The following OTUD7A variants were observed in gnomAD, a reference collection of about 807,000 sequenced individuals.
The protein encoded by OTUD7A is OTU deubiquitinase 7A.
A neutral mutation model predicts 65.7 loss-of-function variants in OTUD7A; 12 were observed. The observed-to-expected ratio is 0.18, with a 90% CI of 0.12 to 0.30. The LOEUF is 0.30. Among genes scored for constraint, OTUD7A ranks in the 10% least tolerant of loss-of-function variants. The probability of loss-of-function intolerance (pLI) is 1.00; values close to 1 mark genes in which losing one functional copy is unlikely to be tolerated. For synonymous variants in OTUD7A, 641 were observed against 586.3 expected (o/e 1.09, Z -1.35); for missense variants, 1,148 against 1,304.8 (o/e 0.88, Z 1.85).
At chr15:31,703,779 A>G (rs2648244) in intron 1 of OTUD7A, among the ~76,000 whole-genome samples, 127,772 of 145,160 alleles carry the variant, frequency 0.88, 58,074 homozygotes, top group East Asian at 1. Context: ...GTTCATAGCA[A>G]CTTTCTTCAT....
rs73374535 is a variant in OTUD7A at position 31,584,529 on chromosome 15, G to A, written c.152-14332C>T. Among the ~76,000 whole-genome samples, 1,034 of 152,330 alleles carry A rather than the reference G, an allele frequency of 6.8e-3. 11 individuals are homozygous for A. The highest frequency in any genetic ancestry group is 0.023 in the African/African-American group (959 of 41,580). ...CTAATGACCTTGCCTGAGCAGACAAGTTACAGGGGGATGCCTACGTCACCT... is the reference window on the plus strand; with the variant it reads ...CTAATGACCTTGCCTGAGCAGACAAATTACAGGGGGATGCCTACGTCACCT... On this transcript the variant is annotated intron_variant, in intron 3 of 12. Coordinates refer to ENST00000307050, the MANE Select transcript of OTUD7A (RefSeq NM_001382637.1).
At chr15:31,569,287 C>T (rs1312677701) in intron 4 of OTUD7A, among the ~76,000 whole-genome samples, 3 of 152,136 alleles carry the variant, frequency 2.0e-5, no homozygotes, top group African/African-American at 2.4e-5. Flanking sequence ...ATAATAACAA[C>T]GACAAAAACC....
intron 8 of OTUD7A, among the ~76,000 whole-genome samples, chr15:31,507,470 G>C (rs982576200): frequency 6.6e-6 from 1 of 152,122 alleles, no homozygotes; most frequent in Non-Finnish European, 1.5e-5. Flanking sequence ...TCCTTCCAGT[G>C]GCTTTGTGGT....
chr15:31,616,242 A>T (rs1466893501), intron 3 of OTUD7A, among the ~76,000 whole-genome samples: 3 of 152,132 alleles, frequency 2.0e-5, no homozygotes, highest in African/African-American at 2.4e-5. Flanking sequence ...TGTCTATGTA[A>T]GTAATAAACC....
intron 1 of OTUD7A, among the ~76,000 whole-genome samples, chr15:31,738,243 G>A (rs1894246226): frequency 6.6e-6 from 1 of 151,988 alleles, no homozygotes; most frequent in Admixed American, 6.6e-5. Context: ...ATGGCAGGGG[G>A]CCTGGAGCTA....
chr15:31,761,280 T>G (rs544328732), intron 1 of OTUD7A, among the ~76,000 whole-genome samples: 1 of 152,140 alleles, frequency 6.6e-6, no homozygotes, highest in African/African-American at 2.4e-5. Context: ...ATTTGCACAA[T>G]GTACATCTGA....
At chr15:31,814,735 G>A (rs1486572158) in intron 1 of OTUD7A, among the ~76,000 whole-genome samples, 1 of 152,066 alleles carries the variant, frequency 6.6e-6, no homozygotes, top group Non-Finnish European at 1.5e-5. Flanking sequence ...TGTTGGCCAG[G>A]CTGGTCTTGA....
At chr15:31,765,914 A>T in intron 1 of OTUD7A, 2 of 1,272,832 alleles carry the variant, frequency 1.6e-6, no homozygotes, top group Non-Finnish European at 2.3e-6. Context: ...TCTCCTTTAG[A>T]GGTAAAGTCC....
At chr15:31,802,405 A>G (rs532669193) in intron 1 of OTUD7A, among the ~76,000 whole-genome samples, 293 of 152,258 alleles carry the variant, frequency 1.9e-3, no homozygotes, top group Admixed American at 4.3e-3. Flanking sequence ...GATTGTGCCC[A>G]CCCAGATTAA....
At chr15:31,659,529 A>C (rs1892097746) in intron 1 of OTUD7A, among the ~76,000 whole-genome samples, 1 of 152,234 alleles carries the variant, frequency 6.6e-6, no homozygotes, top group South Asian at 2.1e-4. Flanking sequence ...ATATTTGCAA[A>C]AATAAAAATT....
intron 4 of OTUD7A, among the ~76,000 whole-genome samples, chr15:31,562,088 T>C (rs1455039005): frequency 1.3e-5 from 2 of 152,188 alleles, no homozygotes; most frequent in Non-Finnish European, 2.9e-5. Flanking sequence ...ACACTTGGGC[T>C]CAGCGAGGAT....
Position 31,626,596 on chromosome 15 carries a change from G to A in OTUD7A, c.151+28500C>T, listed in dbSNP as rs80171546. On this transcript the variant is annotated intron_variant, in intron 3 of 12. Coordinates refer to ENST00000307050, the MANE Select transcript of OTUD7A (RefSeq NM_001382637.1). The stretch of plus-strand genomic sequence containing the variant: ...AAAATCAGAATATAATTTTTTTTGA[G>A]GCAGGGTCTCACTGTGTTGCCCAAG... Among the ~76,000 whole-genome samples, 451 of 152,058 alleles carry A rather than the reference G, an allele frequency of 3.0e-3. 4 individuals are homozygous for A. The East Asian group carries it at 0.034, about 11-fold the overall frequency.
At chr15:31,527,414 C>A in intron 6 of OTUD7A, 106 bp from the exon 7 acceptor site, 2 of 1,412,010 alleles carry the variant, frequency 1.4e-6, no homozygotes, top group South Asian at 1.4e-5. Flanking sequence ...CTCCTGTCTG[C>A]ACGCAGAACA....
At chr15:31,817,282 C>CA (rs1040840252) in intron 1 of OTUD7A, among the ~76,000 whole-genome samples, 13 of 149,790 alleles carry the variant, frequency 8.7e-5, no homozygotes, top group South Asian at 2.1e-4. Context: ...TTTGCCCCCC[C>CA]CCATCACTCA....
intron 1 of OTUD7A, among the ~76,000 whole-genome samples, chr15:31,704,439 G>C (rs1334916957): frequency 7.7e-6 from 1 of 130,244 alleles, no homozygotes; most frequent in Non-Finnish European, 1.6e-5. Context: ...TAGCTTTATT[G>C]GGCTTTCACA....
intron 1 of OTUD7A, among the ~76,000 whole-genome samples, chr15:31,801,116 C>T (rs560777219): frequency 2.6e-5 from 4 of 151,410 alleles, no homozygotes; most frequent in Non-Finnish European, 2.9e-5. Context: ...AGTAGATATT[C>T]CCAGAAACTC....
intron 1 of OTUD7A, among the ~76,000 whole-genome samples, chr15:31,840,610 G>C (rs955548921): frequency 1.3e-5 from 2 of 152,070 alleles, no homozygotes; most frequent in African/African-American, 4.8e-5. Context: ...CTGTTTTTCG[G>C]TCTTTTTTTC....
chr15:31,645,836 A>G (rs1047311133), intron 3 of OTUD7A, among the ~76,000 whole-genome samples: 1 of 152,156 alleles, frequency 6.6e-6, no homozygotes, highest in Non-Finnish European at 1.5e-5. Flanking sequence ...TTTTGTTAGA[A>G]CACAGCTGCC....
intron 3 of OTUD7A, among the ~76,000 whole-genome samples, chr15:31,652,855 G>C (rs1891880783): frequency 6.6e-6 from 1 of 152,218 alleles, no homozygotes; most frequent in South Asian, 2.1e-4. Flanking sequence ...ATGTGGGGCA[G>C]CTGGAGCTCT....
Sources: gnomAD v4.1 joint callset for allele counts (sites outside exome capture counted in the v4.1 genomes callset) on GRCh38, gnomAD v4.1.1 for gene constraint, MANE v1.5 for transcripts, NCBI Gene and HGNC (gene_info 2026-07-23, HGNC 2026-07-21) for gene names.